LDB2: variants seen among roughly 807,000 people sequenced by gnomAD.
LDB2 encodes LIM domain-binding protein 2.
Under a neutral mutation model 44.3 loss-of-function variants are expected in LDB2, and 12 were observed. The observed-to-expected ratio is 0.27, with a 90% confidence interval of 0.17 to 0.44. LDB2 has a LOEUF of 0.44. Among genes scored for constraint, LDB2 ranks in the 20% least tolerant of loss-of-function variants. The probability of loss-of-function intolerance (pLI) is 1.00; values close to 1 mark genes in which losing one functional copy is unlikely to be tolerated. For missense variants in LDB2, 344 were observed against 473.5 expected, an observed-to-expected ratio of 0.73 and a Z score of 2.54; for synonymous variants, 164 against 174.8, an observed-to-expected ratio of 0.94 and a Z score of 0.49.
At chr4:16,661,580 T>C (rs6847414) in intron 2 of LDB2, among the ~76,000 whole-genome samples, 2,114 of 152,288 alleles carry the variant, frequency 0.014, 47 homozygotes, top group African/African-American at 0.049. Flanking sequence ...CAGTGTTTGG[T>C]ACCTACTAAG....
At chr4:16,611,301 C>A (rs951497621) in intron 2 of LDB2, among the ~76,000 whole-genome samples, 1 of 152,102 alleles carries the variant, frequency 6.6e-6, no homozygotes, top group Non-Finnish European at 1.5e-5. Flanking sequence ...AAAGAAACTG[C>A]GTCAACTAGT....
chr4:16,651,470 T>G (rs1738240259), intron 2 of LDB2, among the ~76,000 whole-genome samples: 2 of 152,210 alleles, frequency 1.3e-5, no homozygotes, highest in Non-Finnish European at 2.9e-5. Context: ...ATGTTCCCCT[T>G]GCAAGTAAAT....
chr4:16,706,062 T>C (rs1187182662), intron 2 of LDB2, among the ~76,000 whole-genome samples: 1 of 152,292 alleles, frequency 6.6e-6, no homozygotes, highest in East Asian at 1.9e-4. Context: ...TTTCTTTGTA[T>C]AGTGAAGGGG....
intron 1 of LDB2, among the ~76,000 whole-genome samples, chr4:16,860,894 C>T (rs1712315696): frequency 6.6e-6 from 1 of 150,576 alleles, no homozygotes; most frequent in Admixed American, 6.7e-5. Flanking sequence ...ACTGAATACC[C>T]CAGGGGCATT....
chr4:16,564,156 A>T lies in LDB2; in HGVS notation c.615+21766T>A, dbSNP rs62296926. 5.8e-4 allele frequency among the ~76,000 whole-genome samples: 89 copies of T among 152,158 alleles called. 1 individual carries two copies. Among genetic ancestry groups the T allele is most frequent in the South Asian group, 1.2e-3 (6 of 4,816 alleles). On this transcript the variant is annotated intron_variant, in intron 5 of 7. Coordinates refer to ENST00000304523, the MANE Select transcript of LDB2 (RefSeq NM_001290.5). ...CAGCTTATATCTAACTGCCTTTTTGACAACCCTCAGTGTCTCAAATGCCCT... is the reference window on the plus strand; with the variant it reads ...CAGCTTATATCTAACTGCCTTTTTGTCAACCCTCAGTGTCTCAAATGCCCT...
At chr4:16,697,561 C>T (rs546093374) in intron 2 of LDB2, among the ~76,000 whole-genome samples, 1 of 152,282 alleles carries the variant, frequency 6.6e-6, no homozygotes, top group South Asian at 2.1e-4. Flanking sequence ...GCCTTCTCTA[C>T]TCCACCTTTC....
chr4:16,576,348 T>TA (rs144291428), intron 5 of LDB2, among the ~76,000 whole-genome samples: 104 of 147,502 alleles, frequency 7.1e-4, no homozygotes, highest in Middle Eastern at 3.4e-3. Context: ...AGCCAGATTT[T>TA]AAAAAAAAAA....
chr4:16,824,303 C>T (rs773157861), intron 1 of LDB2, among the ~76,000 whole-genome samples: 16 of 152,150 alleles, frequency 1.1e-4, no homozygotes, highest in Admixed American at 2.6e-4. Context: ...AGCTTTTAGA[C>T]TTAGAAGTCT....
chr4:16,757,246 C>T (rs550757983), intron 2 of LDB2, among the ~76,000 whole-genome samples: 1 of 152,344 alleles, frequency 6.6e-6, no homozygotes, highest in South Asian at 2.1e-4. Context: ...CCAGCCCACA[C>T]ATCAGCAGCG....
At chr4:16,697,978 T>G (rs1714423059) in intron 2 of LDB2, among the ~76,000 whole-genome samples, 1 of 152,244 alleles carries the variant, frequency 6.6e-6, no homozygotes, top group South Asian at 2.1e-4. Flanking sequence ...AGTTATATTT[T>G]TTAAAAAATG....
At chr4:16,666,879 G>A (rs2152549584) in intron 2 of LDB2, among the ~76,000 whole-genome samples, 1 of 152,206 alleles carries the variant, frequency 6.6e-6, no homozygotes, top group East Asian at 1.9e-4. Flanking sequence ...TTAAAATGGA[G>A]GAAAACAAAG....
intron 1 of LDB2, among the ~76,000 whole-genome samples, chr4:16,858,880 T>C (rs922726725): frequency 2.6e-5 from 4 of 152,344 alleles, no homozygotes; most frequent in Non-Finnish European, 4.4e-5. Flanking sequence ...TTTTAAAAAA[T>C]TAATATCCAT....
intron 5 of LDB2, among the ~76,000 whole-genome samples, chr4:16,529,935 C>G (rs1729575939): frequency 6.6e-6 from 1 of 152,122 alleles, no homozygotes; most frequent in South Asian, 2.1e-4. Flanking sequence ...CCCTCTGGAG[C>G]AGTGAGAAGC....
At chr4:16,760,194 C>G (rs1360434227) in intron 1 of LDB2, among the ~76,000 whole-genome samples, 1 of 152,186 alleles carries the variant, frequency 6.6e-6, no homozygotes, top group Non-Finnish European at 1.5e-5. Flanking sequence ...TGCATCCCAG[C>G]TGCCTGTCAG....
At chr4:16,544,775 T>C (rs2152333328) in intron 5 of LDB2, among the ~76,000 whole-genome samples, 1 of 152,292 alleles carries the variant, frequency 6.6e-6, no homozygotes, top group South Asian at 2.1e-4. Flanking sequence ...TCTGTTAGAC[T>C]TCCAAGTGAA....
chr4:16,557,277 C>T (rs570620283), intron 5 of LDB2, among the ~76,000 whole-genome samples: 32 of 152,286 alleles, frequency 2.1e-4, no homozygotes, highest in Admixed American at 7.2e-4. Flanking sequence ...ACTCGGGAAG[C>T]GCAAGGGGTC....
At chr4:16,537,741 G>A (rs1187308428) in intron 5 of LDB2, among the ~76,000 whole-genome samples, 1 of 152,022 alleles carries the variant, frequency 6.6e-6, no homozygotes, top group Non-Finnish European at 1.5e-5. Flanking sequence ...TAGAACTTAT[G>A]TGCAATACCC....
rs145808336 is a variant in LDB2 at position 16,749,415 on chromosome 4, G to A, written c.235+9743C>T. 7.8e-3 allele frequency among the ~76,000 whole-genome samples: 1,179 copies of A among 151,408 alleles called. 17 individuals carry two copies. The highest frequency in any genetic ancestry group is 0.027 in the African/African-American group (1,102 of 41,294). ...TCTACTAAAAATACAAAAATTAGCC[G>A]GGTGTGGTTGTGAGCGCCTATAGTC... is the stretch of plus-strand genomic sequence containing the variant. On this transcript the variant is annotated intron_variant, in intron 2 of 7. Transcript: ENST00000304523.
chr4:16,802,242 A>G (rs1180002322), intron 1 of LDB2, among the ~76,000 whole-genome samples: 1 of 152,136 alleles, frequency 6.6e-6, no homozygotes, highest in Non-Finnish European at 1.5e-5. Context: ...CTCTTCTAAC[A>G]AGACCCACCC....
Sources: allele counts gnomAD v4.1 joint callset (sites outside exome capture counted in the v4.1 genomes callset), GRCh38; gene constraint gnomAD v4.1.1; transcripts MANE v1.5; gene names NCBI Gene and HGNC (gene_info 2026-07-23, HGNC 2026-07-21).